Variants in GALNT14 observed in about 807,000 individuals in gnomAD.
The protein encoded by GALNT14 is polypeptide N-acetylgalactosaminyltransferase 14, also known as UDP-GalNAc:polypeptide N-acetylgalactosaminyltransferase 14.
GALNT14 carries 60 observed loss-of-function variants against 77.5 expected under a neutral mutation model. The observed-to-expected ratio is 0.77, with a 90% CI of 0.63 to 0.96. The LOEUF (loss-of-function observed/expected upper bound fraction) is 0.96. GALNT14 is among the 40% of genes least tolerant of loss of function. The pLI, the probability that GALNT14 is intolerant of heterozygous loss-of-function variation, is 0.00. For synonymous variants in GALNT14, 280 were observed against 281.7 expected (o/e 0.99, Z 0.06); for missense variants, 710 against 731.0 (o/e 0.97, Z 0.33).
At chr2:31,137,920 G>A in intron 1 of GALNT14, 38 bp downstream of exon 1, 1 of 1,580,440 alleles carries the variant, frequency 6.3e-7, no homozygotes, top group Non-Finnish European at 8.6e-7. Context: ...CCTCCCGCAA[G>A]CCACCGCTCA....
intron 11 of GALNT14, among the ~76,000 whole-genome samples, chr2:30,927,640 G>A (rs1665468774): frequency 6.6e-6 from 1 of 152,250 alleles, no homozygotes; most frequent in Non-Finnish European, 1.5e-5. Flanking sequence ...AAGCAGTGAA[G>A]TTAATGGGTT....
At chr2:31,086,064 C>T (rs568430969) in intron 1 of GALNT14, among the ~76,000 whole-genome samples, 3 of 152,208 alleles carry the variant, frequency 2.0e-5, no homozygotes, top group African/African-American at 7.2e-5. Context: ...CCAGGTCCCT[C>T]CTATGACATG....
intron 1 of GALNT14, among the ~76,000 whole-genome samples, chr2:31,054,604 C>A (rs1012732023): frequency 6.6e-6 from 1 of 152,198 alleles, no homozygotes; most frequent in Non-Finnish European, 1.5e-5. Context: ...AGAACACTAA[C>A]CCTGTAGTTC....
intron 1 of GALNT14, among the ~76,000 whole-genome samples, chr2:31,025,001 C>T (rs1166505497): frequency 2.6e-5 from 4 of 152,156 alleles, no homozygotes; most frequent in Non-Finnish European, 4.4e-5. Flanking sequence ...GCAGGCCAAT[C>T]GCTTCATCTC....
At chr2:31,002,761 G>A (rs1046999130) in intron 1 of GALNT14, among the ~76,000 whole-genome samples, 1 of 152,154 alleles carries the variant, frequency 6.6e-6, no homozygotes, top group African/African-American at 2.4e-5. Flanking sequence ...TCTGGGAAGA[G>A]GATGACTGTC....
At chr2:31,041,337 G>C (rs1287480898) in intron 1 of GALNT14, among the ~76,000 whole-genome samples, 1 of 152,076 alleles carries the variant, frequency 6.6e-6, no homozygotes, top group Non-Finnish European at 1.5e-5. Flanking sequence ...TATAGAAGGA[G>C]AGTTTATTTC....
intron 10 of GALNT14, among the ~76,000 whole-genome samples, chr2:30,931,466 G>A (rs1363706655): frequency 6.6e-6 from 1 of 152,152 alleles, no homozygotes; most frequent in East Asian, 1.9e-4. Context: ...GAGGAAGCAG[G>A]GAACAGGCAA....
At chr2:31,076,918 C>A (rs1675835052) in intron 1 of GALNT14, among the ~76,000 whole-genome samples, 1 of 152,172 alleles carries the variant, frequency 6.6e-6, no homozygotes, top group African/African-American at 2.4e-5. Context: ...GGACGCTCAG[C>A]TTTCCAGTGC....
chr2:31,022,679 A>C lies in GALNT14; in HGVS notation c.130-29672T>G, dbSNP rs145666449. Reference sequence around the variant, plus strand: ...GCTTCCTAAGGAACTGGGGAGGGCAAACAAGGCCAGGTAAGGATCATTGGG... The same window carrying C: ...GCTTCCTAAGGAACTGGGGAGGGCACACAAGGCCAGGTAAGGATCATTGGG... On this transcript the variant is annotated intron_variant, in intron 1 of 14. Transcript: ENST00000349752. Among the ~76,000 whole-genome samples, 152 of 152,346 alleles carry C rather than the reference A, an allele frequency of 1.0e-3. 1 individual carries two copies. The highest frequency in any genetic ancestry group is 3.4e-3 in the African/African-American group (143 of 41,584).
chr2:30,933,030 G>C (rs1351929879), intron 9 of GALNT14, among the ~76,000 whole-genome samples: 2 of 152,072 alleles, frequency 1.3e-5, no homozygotes, highest in Non-Finnish European at 2.9e-5. Context: ...TTTCTCCCCG[G>C]GACTGTACCC....
At chr2:30,952,174 T>C (rs1190147912) in intron 6 of GALNT14, among the ~76,000 whole-genome samples, 2 of 152,218 alleles carry the variant, frequency 1.3e-5, no homozygotes, top group Non-Finnish European at 2.9e-5. Context: ...TACAGTATTA[T>C]AGTAACTATT....
chr2:31,042,623 G>A (rs1673169965), intron 1 of GALNT14, among the ~76,000 whole-genome samples: 1 of 152,116 alleles, frequency 6.6e-6, no homozygotes, highest in Admixed American at 6.5e-5. Flanking sequence ...CCATTCATCT[G>A]TTGAGATGAA....
At chr2:30,947,839 T>G (rs1466777226) in intron 6 of GALNT14, among the ~76,000 whole-genome samples, 1 of 152,226 alleles carries the variant, frequency 6.6e-6, no homozygotes, top group Non-Finnish European at 1.5e-5. Context: ...GCCTCCCACA[T>G]GTGACTCATT....
intron 11 of GALNT14, among the ~76,000 whole-genome samples, chr2:30,925,995 T>C (rs1182588214): frequency 6.6e-6 from 1 of 152,136 alleles, no homozygotes; most frequent in Non-Finnish European, 1.5e-5. Context: ...CCTAAGTTCA[T>C]CCATGTCTTT....
At chr2:31,031,912 T>C (rs1417311430) in intron 1 of GALNT14, among the ~76,000 whole-genome samples, 2 of 152,294 alleles carry the variant, frequency 1.3e-5, no homozygotes, top group Non-Finnish European at 1.5e-5. Context: ...AGAGTCTTCC[T>C]GTTTTGAAGC....
chr2:31,125,082 C>T (rs765000746), intron 1 of GALNT14: 14 of 1,086,946 alleles, frequency 1.3e-5, no homozygotes, highest in Non-Finnish European at 1.9e-5. Context: ...ATCCTACCCA[C>T]AGTACCCAGG....
At chr2:31,080,762 C>T (rs1015228044) in intron 1 of GALNT14, among the ~76,000 whole-genome samples, 8 of 152,094 alleles carry the variant, frequency 5.3e-5, no homozygotes, top group African/African-American at 1.9e-4. Flanking sequence ...TCTATTAAAC[C>T]CTAATGTCAT....
chr2:30,950,579 T>C (rs1666969724), intron 6 of GALNT14, among the ~76,000 whole-genome samples: 1 of 152,194 alleles, frequency 6.6e-6, no homozygotes, highest in South Asian at 2.1e-4. Flanking sequence ...CCCAAAGGGC[T>C]GGCCCAGAGG....
intron 1 of GALNT14, among the ~76,000 whole-genome samples, chr2:31,036,670 T>C (rs999119995): frequency 6.6e-6 from 1 of 152,228 alleles, no homozygotes; most frequent in Non-Finnish European, 1.5e-5. Flanking sequence ...CTCTCTTTAG[T>C]AGTTCTTGTG....
Sources: gnomAD v4.1 joint callset for allele counts (sites outside exome capture counted in the v4.1 genomes callset) on GRCh38, gnomAD v4.1.1 for gene constraint, MANE v1.5 for transcripts, NCBI Gene and HGNC (gene_info 2026-07-23, HGNC 2026-07-21) for gene names.